KLHL32: variants seen among roughly 807,000 people sequenced by gnomAD.
The protein encoded by KLHL32 is kelch like family member 32.
A neutral mutation model predicts 64.8 loss-of-function variants in KLHL32; 35 were observed. The ratio of observed to expected loss-of-function variants is 0.54; its 90% CI spans 0.41 to 0.72. The LOEUF is 0.72. Among genes scored for constraint, KLHL32 ranks in the 30% least tolerant of loss-of-function variants. The pLI is 0.00. For synonymous variants in KLHL32, 259 were observed against 281.0 expected (o/e 0.92, Z 0.78); for missense variants, 589 against 768.5 (o/e 0.77, Z 2.76).
chr6:96,986,311 C>G (rs578123282), intron 3 of KLHL32, among the ~76,000 whole-genome samples: 7 of 152,178 alleles, frequency 4.6e-5, no homozygotes, highest in African/African-American at 1.7e-4. Flanking sequence ...TTAGGCTACT[C>G]AGGGGTCAGG....
At chr6:97,081,349 C>T (rs1199801617) in intron 5 of KLHL32, among the ~76,000 whole-genome samples, 2 of 152,056 alleles carry the variant, frequency 1.3e-5, no homozygotes, top group Non-Finnish European at 2.9e-5. Context: ...ACTATTGCCT[C>T]CTGGAGTGTA....
intron 3 of KLHL32, among the ~76,000 whole-genome samples, chr6:97,000,962 A>G (rs1218277635): frequency 6.6e-6 from 1 of 152,220 alleles, no homozygotes; most frequent in Admixed American, 6.5e-5. Flanking sequence ...ATCCAACTAT[A>G]TGACATTCTG....
chr6:97,115,637 A>G (rs958028221), intron 7 of KLHL32, among the ~76,000 whole-genome samples: 2 of 152,188 alleles, frequency 1.3e-5, no homozygotes, highest in Non-Finnish European at 2.9e-5. Context: ...TGCTATCAAC[A>G]TCACATTATA....
chr6:97,052,948 G>T (rs1787177878), intron 4 of KLHL32, among the ~76,000 whole-genome samples: 1 of 152,082 alleles, frequency 6.6e-6, no homozygotes, highest in Non-Finnish European at 1.5e-5. Flanking sequence ...TTACATCTCA[G>T]GGTCTGGAGA....
chr6:96,909,965 G>A, the KLHL32 span, among the ~76,000 whole-genome samples: 1 of 152,188 alleles, frequency 6.6e-6, no homozygotes, highest in African/African-American at 2.4e-5. Flanking sequence ...TGTGACAGGT[G>A]GGAAAGGAAA....
At chr6:97,101,608 T>TTTCA (rs547018744) in intron 6 of KLHL32, among the ~76,000 whole-genome samples, 47 of 152,308 alleles carry the variant, frequency 3.1e-4, no homozygotes, top group Admixed American at 2.2e-3. Context: ...GTCTCTCCCT[T>TTTCA]TTCATTCATT....
At chr6:97,128,172 C>T (rs1799068745) in intron 8 of KLHL32, among the ~76,000 whole-genome samples, 1 of 152,160 alleles carries the variant, frequency 6.6e-6, no homozygotes, top group Admixed American at 6.5e-5. Context: ...TGGGATATGA[C>T]ACAACAGGTT....
At chr6:96,991,088 G>A (rs1777814182) in intron 3 of KLHL32, among the ~76,000 whole-genome samples, 1 of 151,912 alleles carries the variant, frequency 6.6e-6, no homozygotes, top group Admixed American at 6.6e-5. Context: ...GGAGAGACTG[G>A]GCTCCTCTCC....
chr6:97,019,946 ATTT>A (rs59828741), intron 3 of KLHL32, among the ~76,000 whole-genome samples: 29 of 115,036 alleles, frequency 2.5e-4, no homozygotes, highest in Middle Eastern at 4.3e-3. Flanking sequence ...CTCCCGGCGA[ATTT>A]TTTTTTTTTT....
intron 9 of KLHL32, among the ~76,000 whole-genome samples, chr6:97,132,194 T>C (rs553646419): frequency 1.9e-4 from 29 of 152,164 alleles, no homozygotes; most frequent in Admixed American, 3.3e-4. Flanking sequence ...TTGTCTTCAT[T>C]TGGGGCATGC....
intron 7 of KLHL32, among the ~76,000 whole-genome samples, chr6:97,122,389 G>A (rs1582233768): frequency 6.6e-6 from 1 of 152,238 alleles, no homozygotes; most frequent in South Asian, 2.1e-4. Flanking sequence ...TGCTAATTTA[G>A]TAGAAAGATT....
Position 97,053,092 on chromosome 6 carries a change from A to ACACACACACACACG in KLHL32, c.312+11504_312+11505insACGCACACACACAC, listed in dbSNP as rs1219159542. On this transcript the variant is annotated intron_variant, in intron 4 of 10. Coordinates refer to ENST00000369261, the MANE Select transcript of KLHL32 (RefSeq NM_052904.4). ...TAGTTATGAGGATGGATACACACAC[A>ACACACACACACACG]CACACACACACGCACACACATTCTC... 4.8e-3 allele frequency among the ~76,000 whole-genome samples: 731 copies of ACACACACACACACG among 152,182 alleles called. 4 individuals are homozygous for ACACACACACACACG. Among genetic ancestry groups the ACACACACACACACG allele is most frequent in the African/African-American group, 0.016 (683 of 41,506 alleles).
the KLHL32 span, among the ~76,000 whole-genome samples, chr6:96,915,964 C>T: frequency 2.0e-5 from 3 of 151,958 alleles, no homozygotes; most frequent in Non-Finnish European, 2.9e-5. Flanking sequence ...TTATCATTAG[C>T]GACAGAAAGT....
intron 3 of KLHL32, among the ~76,000 whole-genome samples, chr6:96,990,603 A>G (rs771093264): frequency 4.6e-5 from 7 of 152,128 alleles, no homozygotes; most frequent in Non-Finnish European, 1.0e-4. Context: ...GTCCTCTCCA[A>G]CTTGGAGGCA....
chr6:96,911,230 C>A, the KLHL32 span, among the ~76,000 whole-genome samples: 3 of 152,152 alleles, frequency 2.0e-5, no homozygotes, highest in African/African-American at 7.2e-5. Flanking sequence ...ACTGCAAATT[C>A]TCTTTGTGTC....
chr6:97,081,369 T>C (rs950320460), intron 5 of KLHL32, among the ~76,000 whole-genome samples: 1 of 152,050 alleles, frequency 6.6e-6, no homozygotes, highest in Non-Finnish European at 1.5e-5. Flanking sequence ...AGAAGCCACA[T>C]AGAGGAGGTG....
At chr6:97,027,133 G>A (rs1370022043) in intron 3 of KLHL32, among the ~76,000 whole-genome samples, 1 of 147,680 alleles carries the variant, frequency 6.8e-6, no homozygotes, top group Admixed American at 6.9e-5. Flanking sequence ...CTGCACTCCA[G>A]CCTGGGCAAC....
At chr6:97,119,753 C>T (rs752717146) in intron 7 of KLHL32, among the ~76,000 whole-genome samples, 2 of 152,152 alleles carry the variant, frequency 1.3e-5, no homozygotes, top group Non-Finnish European at 2.9e-5. Flanking sequence ...TTCCTGTATA[C>T]ATTTAGGGAG....
intron 5 of KLHL32, among the ~76,000 whole-genome samples, chr6:97,080,460 A>C (rs966289840): frequency 1.2e-4 from 19 of 152,356 alleles, no homozygotes; most frequent in African/African-American, 4.3e-4. Flanking sequence ...GGGACACACA[A>C]GGCATGAGAC....
Sources: allele counts gnomAD v4.1 joint callset (sites outside exome capture counted in the v4.1 genomes callset), GRCh38; gene constraint gnomAD v4.1.1; transcripts MANE v1.5; gene names NCBI Gene and HGNC (gene_info 2026-07-23, HGNC 2026-07-21).